The following ARHGAP24 variants were observed in gnomAD, a reference collection of about 807,000 sequenced individuals.
ARHGAP24 encodes the protein Rho GTPase activating protein 24, also known as rho GTPase-activating protein 24.
A neutral mutation model predicts 76.4 loss-of-function variants in ARHGAP24; 50 were observed. That is an observed-to-expected ratio of 0.65 (90% CI 0.52 to 0.83). The LOEUF is 0.83. ARHGAP24 is among the 40% of genes least tolerant of loss of function. The pLI, the probability that ARHGAP24 is intolerant of heterozygous loss-of-function variation, is 0.00. For missense variants in ARHGAP24, 930 were observed against 914.2 expected (o/e 1.02, Z -0.22); for synonymous variants, 345 against 323.3 (o/e 1.07, Z -0.72).
At chr4:85,662,802 A>T (rs900441172) in intron 2 of ARHGAP24, among the ~76,000 whole-genome samples, 6 of 152,128 alleles carry the variant, frequency 3.9e-5, no homozygotes, top group African/African-American at 1.4e-4. Context: ...TGTTTTTCTC[A>T]GGTTTGTCAA....
At chr4:85,629,284 A>G (rs1025768308) in intron 2 of ARHGAP24, among the ~76,000 whole-genome samples, 1 of 152,178 alleles carries the variant, frequency 6.6e-6, no homozygotes, top group African/African-American at 2.4e-5. Flanking sequence ...TTGGCATCAC[A>G]GTTTATGTCT....
At chr4:85,957,006 T>C (rs534025130) in intron 5 of ARHGAP24, among the ~76,000 whole-genome samples, 4 of 152,330 alleles carry the variant, frequency 2.6e-5, no homozygotes, top group East Asian at 1.9e-4. Flanking sequence ...CGGTAGATGA[T>C]TGGCTATTTC....
intron 3 of ARHGAP24, among the ~76,000 whole-genome samples, chr4:85,812,470 T>A (rs1244092722): frequency 1.3e-5 from 2 of 151,958 alleles, no homozygotes; most frequent in Non-Finnish European, 2.9e-5. Flanking sequence ...ACATTCAGAA[T>A]CTAGATAAAA....
At chr4:85,671,478 T>C (rs1374944878) in intron 2 of ARHGAP24, among the ~76,000 whole-genome samples, 1 of 152,134 alleles carries the variant, frequency 6.6e-6, no homozygotes, top group African/African-American at 2.4e-5. Flanking sequence ...ATTTGTCAAA[T>C]GAAAATGCAA....
chr4:85,891,200 T>A (rs1379119411), intron 3 of ARHGAP24, among the ~76,000 whole-genome samples: 1 of 152,134 alleles, frequency 6.6e-6, no homozygotes, highest in African/African-American at 2.4e-5. Context: ...AGAGTAAATT[T>A]CAAACAAGAT....
intron 3 of ARHGAP24, among the ~76,000 whole-genome samples, chr4:85,799,110 A>C (rs965445779): frequency 1.3e-5 from 2 of 152,210 alleles, no homozygotes; most frequent in Non-Finnish European, 2.9e-5. Flanking sequence ...TAACATGCAT[A>C]TATTTCCTAG....
rs538054156 is a variant in ARHGAP24 at position 85,570,698 on chromosome 4, G to C, written c.157G>C (p.Asp53His). The C allele has an allele frequency of 1.2e-6, 2 of 1,614,088 alleles. No individual in the cohort carries two copies. Among genetic ancestry groups the C allele is most frequent in the East Asian group, 4.5e-5 (2 of 44,874 alleles). The change falls in exon 2 of 10, where the codon GAT (aspartate) becomes CAT (histidine). Residue 53 changes from aspartate (D) to histidine (H), a missense_variant. Physicochemically the swap from Asp to His is moderately conservative, Grantham distance 81. Coordinates refer to ENST00000395184, the MANE Select transcript of ARHGAP24 (RefSeq NM_001025616.3). Reference sequence around the variant, plus strand: ...GGGGGATCAGCTCTATTATTTCAAAGATGAAGATGAAACCAAGCCCTTGGT... The same window carrying C: ...GGGGGATCAGCTCTATTATTTCAAACATGAAGATGAAACCAAGCCCTTGGT... ...LKGDQLYYFK[D>H]EDETKPLGTI...
chr4:85,819,744 C>T (rs1340683043), intron 3 of ARHGAP24, among the ~76,000 whole-genome samples: 1 of 152,048 alleles, frequency 6.6e-6, no homozygotes, highest in Middle Eastern at 3.2e-3. Flanking sequence ...CTTGGTGAAA[C>T]CCCATGTCTA....
intron 2 of ARHGAP24, among the ~76,000 whole-genome samples, chr4:85,674,555 G>A (rs1226573567): frequency 6.6e-6 from 1 of 152,120 alleles, no homozygotes; most frequent in South Asian, 2.1e-4. Context: ...TGCATTTGCA[G>A]TTGCCACAGT....
intron 3 of ARHGAP24, among the ~76,000 whole-genome samples, chr4:85,844,920 G>C (rs1730794885): frequency 1.3e-5 from 2 of 152,118 alleles, no homozygotes; most frequent in African/African-American, 4.8e-5. Context: ...AATAGGGTTG[G>C]AACCAATAGC....
chr4:85,740,224 G>GT (rs35165918), intron 3 of ARHGAP24, among the ~76,000 whole-genome samples: 22,568 of 144,392 alleles, frequency 0.16, 2,340 homozygotes, highest in East Asian at 0.55. Context: ...TGTTGTTGGG[G>GT]TTTTTTTTTT....
intron 1 of ARHGAP24, among the ~76,000 whole-genome samples, chr4:85,483,502 C>T (rs1311792655): frequency 1.3e-5 from 2 of 152,024 alleles, no homozygotes; most frequent in African/African-American, 4.8e-5. Flanking sequence ...ATCCCAGCTA[C>T]TCAGGAGTCT....
Position 85,755,116 on chromosome 4 carries a change from G to A in ARHGAP24, c.268+33144G>A, listed in dbSNP as rs894059017. The stretch of plus-strand genomic sequence containing the variant: ...AGAAATAAGTGAAGGAACCTGTTGC[G>A]TAAATTTGGACAGAAAAATACTGGG... On this transcript the variant is annotated intron_variant, in intron 3 of 9. Transcript: ENST00000395184. Among the ~76,000 whole-genome samples, 5 of 152,258 alleles carry A rather than the reference G, an allele frequency of 3.3e-5. No individual in the cohort carries two copies. In the South Asian group the frequency reaches 8.3e-4, roughly 25 times the overall value.
chr4:85,766,409 A>G (rs1726934186), intron 3 of ARHGAP24, among the ~76,000 whole-genome samples: 1 of 152,084 alleles, frequency 6.6e-6, no homozygotes, highest in African/African-American at 2.4e-5. Flanking sequence ...AAATTGAACT[A>G]TTCTTTTTAG....
chr4:85,904,125 G>A (rs1196559285), intron 3 of ARHGAP24, among the ~76,000 whole-genome samples: 4 of 152,146 alleles, frequency 2.6e-5, no homozygotes, highest in African/African-American at 9.7e-5. Flanking sequence ...ATTGCTGTAA[G>A]AAATAACTGA....
chr4:85,792,483 T>C (rs902512479), intron 3 of ARHGAP24, among the ~76,000 whole-genome samples: 9 of 152,188 alleles, frequency 5.9e-5, no homozygotes, highest in Non-Finnish European at 1.2e-4. Flanking sequence ...TATTAGAACA[T>C]GTTACAATTC....
chr4:85,666,304 G>A (rs535819024), intron 2 of ARHGAP24, among the ~76,000 whole-genome samples: 3 of 152,014 alleles, frequency 2.0e-5, no homozygotes, highest in East Asian at 1.9e-4. Context: ...CCAGTTGATC[G>A]CATCGGCTCC....
intron 2 of ARHGAP24, among the ~76,000 whole-genome samples, chr4:85,673,610 A>G (rs1038421422): frequency 6.6e-6 from 1 of 150,520 alleles, no homozygotes; most frequent in African/African-American, 2.4e-5. Flanking sequence ...GAGCTAGAAA[A>G]GAGCTTGGAG....
intron 1 of ARHGAP24, among the ~76,000 whole-genome samples, chr4:85,537,653 G>T (rs1725522501): frequency 6.6e-6 from 1 of 152,130 alleles, no homozygotes; most frequent in African/African-American, 2.4e-5. Context: ...CTTTCTTAAG[G>T]ATTGGAATGA....
Sources: allele counts gnomAD v4.1 joint callset (sites outside exome capture counted in the v4.1 genomes callset), GRCh38; gene constraint gnomAD v4.1.1; transcripts MANE v1.5; gene names NCBI Gene and HGNC (gene_info 2026-07-23, HGNC 2026-07-21).